CNTN4: variants seen among roughly 807,000 people sequenced by gnomAD.
CNTN4 encodes contactin 4, also known as contactin-4.
A neutral mutation model predicts 122.5 loss-of-function variants in CNTN4; 77 were observed. That is an observed-to-expected ratio of 0.63 (90% CI 0.52 to 0.76). The LOEUF is 0.76. Among genes scored for constraint, CNTN4 ranks in the 30% least tolerant of loss-of-function variants. CNTN4 has a pLI of 0.00. For synonymous variants in CNTN4, 512 were observed against 447.0 expected (o/e 1.15, Z -1.83); for missense variants, 1,256 against 1,259.1 (o/e 1.00, Z 0.04).
At chr3:2,381,874 A>G (rs1377256423) in intron 3 of CNTN4, among the ~76,000 whole-genome samples, 3 of 152,178 alleles carry the variant, frequency 2.0e-5, no homozygotes, top group Non-Finnish European at 4.4e-5. Context: ...AAATTTTTCT[A>G]TGAAGGTGCA....
chr3:2,472,277 G>T (rs2075708610), intron 3 of CNTN4, among the ~76,000 whole-genome samples: 2 of 151,798 alleles, frequency 1.3e-5, no homozygotes, highest in Admixed American at 1.3e-4. Context: ...GTCTTGTTCT[G>T]CCACCCAGGC....
intron 2 of CNTN4, among the ~76,000 whole-genome samples, chr3:2,123,628 A>G (rs1306392121): frequency 6.6e-6 from 1 of 152,184 alleles, no homozygotes; most frequent in African/African-American, 2.4e-5. Flanking sequence ...CGCAAGATTA[A>G]TTGAGATGCT....
intron 3 of CNTN4, among the ~76,000 whole-genome samples, chr3:2,381,518 G>C (rs1317790033): frequency 1.3e-5 from 2 of 152,148 alleles, no homozygotes; most frequent in African/African-American, 2.4e-5. Context: ...ATAGTGTTCT[G>C]TAATGTGGCA....
intron 4 of CNTN4, among the ~76,000 whole-genome samples, chr3:2,609,555 A>G (rs942404086): frequency 2.3e-4 from 35 of 152,208 alleles, no homozygotes; most frequent in African/African-American, 8.0e-4. Context: ...TACTTCTAAA[A>G]TATAGGTAGT....
chr3:2,697,585 A>G (rs2086109817), intron 4 of CNTN4, among the ~76,000 whole-genome samples: 1 of 152,214 alleles, frequency 6.6e-6, no homozygotes, highest in Non-Finnish European at 1.5e-5. Context: ...ACAGCAAAAG[A>G]CAATGGATCT....
intron 10 of CNTN4, among the ~76,000 whole-genome samples, chr3:2,888,975 C>T (rs1388258855): frequency 3.3e-5 from 5 of 150,706 alleles, no homozygotes; most frequent in African/African-American, 9.8e-5. Flanking sequence ...GGCCACCAGG[C>T]AGACTAATAA....
chr3:2,694,076 C>T (rs752653655), intron 4 of CNTN4, among the ~76,000 whole-genome samples: 5 of 152,146 alleles, frequency 3.3e-5, no homozygotes, highest in Non-Finnish European at 5.9e-5. Context: ...TCATACTTTC[C>T]TGCTAGGATG....
chr3:2,599,166 G>GA (rs1291991156), intron 4 of CNTN4, among the ~76,000 whole-genome samples: 3 of 152,166 alleles, frequency 2.0e-5, no homozygotes, highest in Admixed American at 2.0e-4. Context: ...AGGGACCATG[G>GA]AGTGTAGAGT....
chr3:2,651,699 CT>C (rs1183582400), intron 4 of CNTN4, among the ~76,000 whole-genome samples: 1 of 144,234 alleles, frequency 6.9e-6, no homozygotes, highest in African/African-American at 2.7e-5. Flanking sequence ...AATTTTTTTT[CT>C]TTTTTTTCTT....
intron 3 of CNTN4, among the ~76,000 whole-genome samples, chr3:2,562,431 T>A (rs569756449): frequency 6.4e-4 from 97 of 152,126 alleles, no homozygotes; most frequent in Admixed American, 1.4e-3. Flanking sequence ...CATCTTTATG[T>A]CCCTGGATAT....
intron 4 of CNTN4, among the ~76,000 whole-genome samples, chr3:2,652,447 A>C (rs1263153945): frequency 6.6e-6 from 1 of 152,208 alleles, no homozygotes; most frequent in South Asian, 2.1e-4. Flanking sequence ...CCCAAAATAC[A>C]GTAAGTGTTC....
intron 2 of CNTN4, among the ~76,000 whole-genome samples, chr3:2,174,185 G>T (rs2036643166): frequency 6.6e-6 from 1 of 152,114 alleles, no homozygotes; most frequent in Non-Finnish European, 1.5e-5. Flanking sequence ...TGTATCACTT[G>T]CTGTCTTTTC....
intron 4 of CNTN4, among the ~76,000 whole-genome samples, chr3:2,731,791 A>T (rs1044475688): frequency 3.3e-5 from 5 of 152,210 alleles, no homozygotes; most frequent in Non-Finnish European, 7.3e-5. Context: ...CTTATAAATA[A>T]ATGGTAGTGG....
At chr3:2,246,267 G>A (rs1011314879) in intron 2 of CNTN4, among the ~76,000 whole-genome samples, 5 of 151,972 alleles carry the variant, frequency 3.3e-5, no homozygotes, top group Non-Finnish European at 7.4e-5. Context: ...ACAGTAAAGT[G>A]CACAAAATCA....
intron 4 of CNTN4, among the ~76,000 whole-genome samples, chr3:2,681,365 G>A (rs2085156088): frequency 6.6e-6 from 1 of 152,176 alleles, no homozygotes; most frequent in African/African-American, 2.4e-5. Context: ...CACCCCTGGA[G>A]CAGCGTGTGA....
At chr3:2,376,795 A>G (rs1413858528) in intron 3 of CNTN4, among the ~76,000 whole-genome samples, 1 of 151,812 alleles carries the variant, frequency 6.6e-6, no homozygotes, top group Admixed American at 6.6e-5. Flanking sequence ...CCATGCACTG[A>G]CTCATTATCT....
chr3:2,784,686 G>T (rs1453447229), intron 6 of CNTN4, among the ~76,000 whole-genome samples: 1 of 152,178 alleles, frequency 6.6e-6, no homozygotes, highest in Non-Finnish European at 1.5e-5. Context: ...TGTGGTGGCC[G>T]ACCTGGCTGG....
chr3:2,557,113 A>T (rs1279715365), intron 3 of CNTN4, among the ~76,000 whole-genome samples: 1 of 152,150 alleles, frequency 6.6e-6, no homozygotes, highest in Non-Finnish European at 1.5e-5. Flanking sequence ...ACTAATTAGG[A>T]TTCTATCCTC....
intron 3 of CNTN4, among the ~76,000 whole-genome samples, chr3:2,407,325 A>G (rs1372947200): frequency 6.6e-6 from 1 of 152,182 alleles, no homozygotes; most frequent in East Asian, 1.9e-4. Flanking sequence ...AAACCCAAAT[A>G]TACTTAAAGA....
Sources: gnomAD v4.1 joint callset for allele counts (sites outside exome capture counted in the v4.1 genomes callset) on GRCh38, gnomAD v4.1.1 for gene constraint, MANE v1.5 for transcripts, NCBI Gene and HGNC (gene_info 2026-07-23, HGNC 2026-07-21) for gene names.